The following LUC7L variants were observed in gnomAD, a reference collection of about 807,000 sequenced individuals.
The protein encoded by LUC7L is putative RNA-binding protein Luc7-like 1.
Under a neutral mutation model 51.1 loss-of-function variants are expected in LUC7L, and 29 were observed. That is an observed-to-expected ratio of 0.57 (90% confidence interval 0.42 to 0.77). LUC7L has a LOEUF of 0.77. LUC7L is among the 30% of genes least tolerant of loss of function. The probability of loss-of-function intolerance (pLI) is 0.00; values close to 1 mark genes in which losing one functional copy is unlikely to be tolerated. For synonymous variants in LUC7L, 181 were observed against 180.7 expected, an observed-to-expected ratio of 1.00 and a Z score of -0.01; for missense variants, 403 against 511.9, an observed-to-expected ratio of 0.79 and a Z score of 2.05.
In LUC7L at chr16:189,006, G is replaced by T. The variant is rs1277694964; in HGVS notation, c.*192C>A. 3 of 591,798 alleles carry T rather than the reference G, an allele frequency of 5.1e-6. No homozygotes were observed. The African/African-American group carries it at 5.5e-5, about 11-fold the overall frequency. The allele number at this position is 591,798 out of a possible 1,614,324, so 36.7% of individuals were successfully genotyped here. On this transcript the variant is annotated 3_prime_UTR_variant, in exon 10 of 10. Transcript: ENST00000293872. Reference sequence around the variant, plus strand: ...CCCGCAGCCTCAGGAGGCAGCATCAGATTTATTTATTCCTACTCAACATGA... The same window carrying T: ...CCCGCAGCCTCAGGAGGCAGCATCATATTTATTTATTCCTACTCAACATGA...
chr16:209,435 A>T (rs1002633852), intron 3 of LUC7L: 1 of 148,854 alleles, frequency 6.7e-6, no homozygotes, highest in Non-Finnish European at 1.5e-5. Context: ...GGTTGCAGTG[A>T]GCCGAGATGG....
intron 3 of LUC7L, among the ~76,000 whole-genome samples, chr16:215,623 C>CAA (rs533237473): frequency 4.7e-4 from 35 of 73,880 alleles, no homozygotes; most frequent in African/African-American, 6.8e-4. Flanking sequence ...AACTCCGTCT[C>CAA]AAAAAAAAAA....
intron 3 of LUC7L, among the ~76,000 whole-genome samples, chr16:218,572 T>A (rs904492515): frequency 1.3e-5 from 2 of 151,870 alleles, no homozygotes; most frequent in African/African-American, 4.8e-5. Context: ...AATACAAAAA[T>A]CAGCTGGGTG....
chr16:203,533 C>G (rs1046707784), intron 5 of LUC7L, among the ~76,000 whole-genome samples: 6 of 151,904 alleles, frequency 3.9e-5, no homozygotes, highest in Non-Finnish European at 5.9e-5. Context: ...ATGGCGAAAC[C>G]CAGTCTCTCC....
At position 189,112 on chromosome 16, in the gene LUC7L, A is replaced by G. The variant is rs950548727; in HGVS notation, c.*86T>C. 3.6e-6 allele frequency: 5 copies of G among 1,386,056 alleles called. No individual in the cohort carries two copies. The Admixed American group carries it at 1.1e-4, about 30-fold the overall frequency. 85.9% of individuals were successfully genotyped at this position (1,386,056 alleles called of 1,614,324 possible). A position where few individuals can be genotyped will look rare whatever the true frequency, so the allele number is the denominator to read the frequency against. ...AACAATAGAAATTTTAAACTACAAA[A>G]GATGAGTTGTATTCAGCAAATATAA... On this transcript the variant is annotated 3_prime_UTR_variant, in exon 10 of 10. Coordinates refer to ENST00000293872, the MANE Select transcript of LUC7L (RefSeq NM_201412.3).
chr16:225,177 T>C (rs1567194950), intron 2 of LUC7L, among the ~76,000 whole-genome samples: 1 of 152,042 alleles, frequency 6.6e-6, no homozygotes, highest in Non-Finnish European at 1.5e-5. Flanking sequence ...GGCACCAAAG[T>C]TTCCGGAACC....
intron 5 of LUC7L, among the ~76,000 whole-genome samples, chr16:201,251 A>AAAAAAAAAAAAAAAAC: frequency 6.6e-6 from 1 of 150,732 alleles, no homozygotes; most frequent in Non-Finnish European, 1.5e-5. Context: ...CTAAAAAAAA[A>AAAAAAAAAAAAAAAAC]AAAAAAAAAA....
chr16:223,818 C>A (rs1252817685), intron 2 of LUC7L, among the ~76,000 whole-genome samples: 1 of 151,812 alleles, frequency 6.6e-6, no homozygotes, highest in African/African-American at 2.4e-5. Context: ...TACAGGGGCA[C>A]GCCACCACGC....
intron 5 of LUC7L, among the ~76,000 whole-genome samples, chr16:202,319 G>A (rs902727430): frequency 7.2e-5 from 11 of 151,966 alleles, no homozygotes; most frequent in African/African-American, 2.7e-4. Flanking sequence ...TCCCAGGGAG[G>A]GCACCAAGCC....
In LUC7L at chr16:229,350, G is replaced by A. The variant is rs2050215555; in HGVS notation, c.-11C>T. On this transcript the variant is annotated 5_prime_UTR_variant, in exon 1 of 10. Transcript: ENST00000293872. ...CGCCTGGGCGGACATGGTAGCCGGC[G>A]GAGGCGACGGGGTCGGCCGCGACGA... 1.3e-6 allele frequency: 2 copies of A among 1,496,852 alleles called. No homozygotes were observed. The highest frequency in any genetic ancestry group is 1.8e-6 in the Non-Finnish European group (2 of 1,125,944). The allele number at this position is 1,496,852 out of a possible 1,614,324, so 92.7% of individuals were successfully genotyped here.
intron 3 of LUC7L, among the ~76,000 whole-genome samples, chr16:218,207 G>C (rs1323081608): frequency 6.6e-6 from 1 of 151,654 alleles, no homozygotes; most frequent in Non-Finnish European, 1.5e-5. Context: ...AAAAAAAAAG[G>C]AAGAATTTAC....
At chr16:191,044 T>C (rs895704283) in intron 7 of LUC7L, among the ~76,000 whole-genome samples, 2 of 151,832 alleles carry the variant, frequency 1.3e-5, no homozygotes, top group African/African-American at 4.8e-5. Flanking sequence ...AATGCTCCCA[T>C]CCCCACAGCC....
intron 8 of LUC7L, 47 bp from the exon 9 acceptor site, chr16:190,182 A>G (rs1205419362): frequency 2.0e-6 from 3 of 1,519,576 alleles, no homozygotes; most frequent in Admixed American, 1.8e-5. Context: ...AGGTGCCAAC[A>G]CTATGAGGGC....
chr16:224,695 T>C (rs933358789), intron 2 of LUC7L, among the ~76,000 whole-genome samples: 6 of 151,246 alleles, frequency 4.0e-5, no homozygotes, highest in Admixed American at 4.0e-4. Context: ...TAGCCAGGTG[T>C]GGTGGCGGGC....
At chr16:215,474 G>A (rs1020021109) in intron 3 of LUC7L, among the ~76,000 whole-genome samples, 6 of 151,994 alleles carry the variant, frequency 3.9e-5, no homozygotes, top group African/African-American at 1.4e-4. Flanking sequence ...CAAAAAATTA[G>A]CCAGGCATGG....
chr16:217,167 C>T (rs1293284894), intron 3 of LUC7L, among the ~76,000 whole-genome samples: 1 of 152,048 alleles, frequency 6.6e-6, no homozygotes, highest in African/African-American at 2.4e-5. Context: ...GAGGACAGCA[C>T]CACCATGCCC....
At chr16:197,573 T>C (rs775976229) in intron 6 of LUC7L, among the ~76,000 whole-genome samples, 6 of 152,208 alleles carry the variant, frequency 3.9e-5, no homozygotes, top group African/African-American at 1.2e-4. Flanking sequence ...ACAGAGTACA[T>C]TGCTTTTCAA....
intron 6 of LUC7L, among the ~76,000 whole-genome samples, chr16:197,729 CTGAG>C (rs774649138): frequency 2.4e-3 from 373 of 152,316 alleles, no homozygotes; most frequent in Non-Finnish European, 4.8e-3. Context: ...CATATGCGGC[CTGAG>C]TGAGCAGCTC....
intron 8 of LUC7L, 146 bp from the exon 9 acceptor site, chr16:190,281 A>C (rs1211375): frequency 0.64 from 502,167 of 784,174 alleles, 162,383 homozygotes; most frequent in African/African-American, 0.72. Context: ...TCCATCAGTT[A>C]ATCTCCAATG....
Sources: gnomAD v4.1 joint callset for allele counts (sites outside exome capture counted in the v4.1 genomes callset) on GRCh38, gnomAD v4.1.1 for gene constraint, MANE v1.5 for transcripts, NCBI Gene and HGNC (gene_info 2026-07-23, HGNC 2026-07-21) for gene names.